UBXN7: variants seen among roughly 807,000 people sequenced by gnomAD.
The protein encoded by UBXN7 is UBX domain protein 7.
In UBXN7, 9 loss-of-function variants were observed where a neutral mutation model predicts 58.0. That is an observed-to-expected ratio of 0.16 (90% CI 0.09 to 0.27). The LOEUF is 0.27. Among genes scored for constraint, UBXN7 ranks in the 10% least tolerant of loss-of-function variants. UBXN7 has a pLI of 1.00. For missense variants in UBXN7, 328 were observed against 599.6 expected (o/e 0.55, Z 4.73); for synonymous variants, 208 against 205.0 (o/e 1.01, Z -0.12).
chr3:196,357,288 TTTC>T (rs1728375837), intron 10 of UBXN7, among the ~76,000 whole-genome samples: 1 of 152,184 alleles, frequency 6.6e-6, no homozygotes, highest in African/African-American at 2.4e-5. Context: ...CTTTTGCAGG[TTTC>T]TTCAACATCT....
intron 5 of UBXN7, among the ~76,000 whole-genome samples, chr3:196,390,357 T>A (rs765158537): frequency 3.3e-5 from 5 of 152,096 alleles, no homozygotes; most frequent in Non-Finnish European, 5.9e-5. Context: ...CACCTCAGCC[T>A]CCCAAGTAGT....
At chr3:196,397,153 T>A (rs1308037295) in intron 3 of UBXN7, among the ~76,000 whole-genome samples, 1 of 152,218 alleles carries the variant, frequency 6.6e-6, no homozygotes, top group Non-Finnish European at 1.5e-5. Context: ...CCAAGCCGTC[T>A]GCCACAAGGA....
chr3:196,408,437 C>G (rs1730227799), intron 1 of UBXN7, among the ~76,000 whole-genome samples: 1 of 152,132 alleles, frequency 6.6e-6, no homozygotes, highest in Non-Finnish European at 1.5e-5. Flanking sequence ...TAAACATGTT[C>G]ATACACATGT....
intron 5 of UBXN7, among the ~76,000 whole-genome samples, chr3:196,383,531 C>G (rs966041916): frequency 6.6e-6 from 1 of 152,126 alleles, no homozygotes; most frequent in African/African-American, 2.4e-5. Flanking sequence ...TATTCCAAAA[C>G]TGACCACATA....
intron 3 of UBXN7, among the ~76,000 whole-genome samples, chr3:196,394,652 GAAGA>G (rs1302581167): frequency 1.3e-5 from 2 of 152,144 alleles, no homozygotes; most frequent in East Asian, 3.9e-4. Context: ...GTGATATCAG[GAAGA>G]AAGAAGATTT....
chr3:196,429,312 G>T (rs1238867088), intron 1 of UBXN7, among the ~76,000 whole-genome samples: 1 of 150,634 alleles, frequency 6.6e-6, no homozygotes, highest in African/African-American at 2.5e-5. Context: ...GGGTGACAGA[G>T]CGAGACTCCG....
chr3:196,364,383 A>G (rs1004220380), intron 8 of UBXN7, among the ~76,000 whole-genome samples: 2 of 152,202 alleles, frequency 1.3e-5, no homozygotes, highest in African/African-American at 4.8e-5. Context: ...AAAATAAAAA[A>G]GGCTTTATCT....
intron 1 of UBXN7, among the ~76,000 whole-genome samples, chr3:196,417,846 G>C (rs1324904437): frequency 6.7e-6 from 1 of 148,430 alleles, no homozygotes. Context: ...GATTGCTTAA[G>C]TCCAGGAGTT....
chr3:196,407,215 T>C (rs762966432), intron 2 of UBXN7, 31 bp downstream of exon 2: 11 of 1,603,822 alleles, frequency 6.9e-6, no homozygotes, highest in Admixed American at 3.4e-5. Flanking sequence ...AGGCAATGGA[T>C]AGCTCCTGAC....
intron 2 of UBXN7, among the ~76,000 whole-genome samples, chr3:196,405,215 T>A (rs1173512811): frequency 6.6e-6 from 1 of 152,012 alleles, no homozygotes; most frequent in Non-Finnish European, 1.5e-5. Context: ...CTCACGCCTG[T>A]AATCCCAGCA....
chr3:196,351,074 T>C lies in UBXN7; in HGVS notation c.*5611A>G, dbSNP rs900025039. On this transcript the variant is annotated 3_prime_UTR_variant, in exon 11 of 11. Transcript: ENST00000296328. Reference sequence around the variant, plus strand: ...CATGATTTACTACTGCGTAGTTACATGATGGTCAAAAAAGGCAGAGAGACG... The same window carrying C: ...CATGATTTACTACTGCGTAGTTACACGATGGTCAAAAAAGGCAGAGAGACG... 3.3e-5 allele frequency: 5 copies of C among 152,210 alleles called. No homozygotes were observed. Among genetic ancestry groups the C allele is most frequent in the African/African-American group, 1.2e-4 (5 of 41,464 alleles). The allele number at this position is 152,210 out of a possible 1,614,324, so 9.4% of individuals were successfully genotyped here. A position where few individuals can be genotyped will look rare whatever the true frequency, so the allele number is the denominator to read the frequency against.
chr3:196,399,077 A>AG (rs1412139422), intron 3 of UBXN7, among the ~76,000 whole-genome samples: 1 of 152,246 alleles, frequency 6.6e-6, no homozygotes, highest in Non-Finnish European at 1.5e-5. Flanking sequence ...TCAAGTAAAA[A>AG]GAATGTTCCA....
Position 196,395,394 on chromosome 3 carries a change from C to T in UBXN7, c.290-1775G>A, listed in dbSNP as rs113081601. On this transcript the variant is annotated intron_variant, in intron 3 of 10. Transcript: ENST00000296328. ...TATATGTGTATGTTTTTATGTTAAA[C>T]AATCACACTATCATCTCTGGGAAAA... Among the ~76,000 whole-genome samples the T allele has an allele frequency of 2.0e-3, 306 of 152,280 alleles. 2 individuals are homozygous for T. Among genetic ancestry groups the T allele is most frequent in the African/African-American group, 6.5e-3 (270 of 41,552 alleles).
In UBXN7 at chr3:196,401,201, C is replaced by T. The variant is rs150685242; in HGVS notation, c.289+1751G>A. Among the ~76,000 whole-genome samples the T allele has an allele frequency of 7.6e-3, 912 of 119,268 alleles. 12 individuals carry two copies. Among genetic ancestry groups the T allele is most frequent in the African/African-American group, 0.028 (862 of 31,294 alleles). 78.2% of individuals were successfully genotyped at this position (119,268 alleles called of 152,430 possible). On this transcript the variant is annotated intron_variant, in intron 3 of 10. Transcript: ENST00000296328. Reference sequence around the variant, plus strand: ...CCGAGGCGGGCGGCTCACCTGAGCTCGGGAGTTCAAGATCAGCCTGACTAA... The same window carrying T: ...CCGAGGCGGGCGGCTCACCTGAGCTTGGGAGTTCAAGATCAGCCTGACTAA...
In UBXN7 at chr3:196,364,284, T is replaced by C. The variant is rs1728593580; in HGVS notation, c.835-1597A>G. 7.9e-5 allele frequency among the ~76,000 whole-genome samples: 12 copies of C among 152,298 alleles called. No individual in the cohort carries two copies. In the South Asian group the frequency reaches 2.5e-3, roughly 32 times the overall value. On this transcript the variant is annotated intron_variant, in intron 8 of 10. Coordinates refer to ENST00000296328, the MANE Select transcript of UBXN7 (RefSeq NM_015562.2). The stretch of plus-strand genomic sequence containing the variant: ...ATAGAGGAAAGAAATCGTAAGATAA[T>C]CTAAAATTGAACACTGGATATTTCA...
chr3:196,405,795 C>T (rs1419546923), intron 2 of UBXN7, among the ~76,000 whole-genome samples: 1 of 152,138 alleles, frequency 6.6e-6, no homozygotes, highest in Admixed American at 6.5e-5. Flanking sequence ...AAGAAAATCA[C>T]ACTTTAGGAA....
chr3:196,425,650 C>T (rs1267722575), intron 1 of UBXN7, among the ~76,000 whole-genome samples: 1 of 152,060 alleles, frequency 6.6e-6, no homozygotes, highest in Non-Finnish European at 1.5e-5. Context: ...ACCCAATCTC[C>T]CATTTATCTC....
At chr3:196,363,588 G>A (rs561618537) in intron 8 of UBXN7, among the ~76,000 whole-genome samples, 72 of 152,158 alleles carry the variant, frequency 4.7e-4, no homozygotes, top group Non-Finnish European at 7.9e-4. Context: ...TGAATGCAAG[G>A]AAAAGTTCTT....
Position 196,351,675 on chromosome 3 carries a change from A to G in UBXN7, c.*5010T>C, listed in dbSNP as rs982743742. 6.6e-6 allele frequency: 1 copy of G among 152,198 alleles called. No individual in the cohort carries two copies. Among genetic ancestry groups the G allele is most frequent in the Non-Finnish European group, 1.5e-5 (1 of 68,038 alleles). 9.4% of individuals were successfully genotyped at this position (152,198 alleles called of 1,614,324 possible). Reference sequence around the variant, plus strand: ...ATCTAGTCCAATTATCTCATTTTTCAGACGAGAAACCAGAGATTAAGAAGA... The same window carrying G: ...ATCTAGTCCAATTATCTCATTTTTCGGACGAGAAACCAGAGATTAAGAAGA... On this transcript the variant is annotated 3_prime_UTR_variant, in exon 11 of 11. Transcript: ENST00000296328.
Sources: allele counts gnomAD v4.1 joint callset (sites outside exome capture counted in the v4.1 genomes callset), GRCh38; gene constraint gnomAD v4.1.1; transcripts MANE v1.5; gene names NCBI Gene and HGNC (gene_info 2026-07-23, HGNC 2026-07-21).